The following CDH13 variants were observed in gnomAD, a reference collection of about 807,000 sequenced individuals.
The protein encoded by CDH13 is cadherin 13.
Under a neutral mutation model 63.8 loss-of-function variants are expected in CDH13, and 24 were observed. The observed-to-expected ratio is 0.38, with a 90% CI of 0.27 to 0.53. The LOEUF is 0.53. Among genes scored for constraint, CDH13 ranks in the 20% least tolerant of loss-of-function variants. CDH13 has a pLI of 0.85. For synonymous variants in CDH13, 503 were observed against 355.3 expected (o/e 1.42, Z -4.67); for missense variants, 1,049 against 903.1 (o/e 1.16, Z -2.07).
chr16:82,666,584 A>C (rs1912612123), intron 1 of CDH13, among the ~76,000 whole-genome samples: 1 of 152,224 alleles, frequency 6.6e-6, no homozygotes, highest in South Asian at 2.1e-4. Context: ...GGGATGTCTG[A>C]CATAACAACA....
At chr16:83,565,911 T>G (rs1450798035) in intron 7 of CDH13, among the ~76,000 whole-genome samples, 1 of 152,246 alleles carries the variant, frequency 6.6e-6, no homozygotes, top group Non-Finnish European at 1.5e-5. Context: ...GATACCAGTT[T>G]GTAAATGTGT....
At chr16:82,983,979 T>C (rs974703210) in intron 2 of CDH13, among the ~76,000 whole-genome samples, 1 of 152,200 alleles carries the variant, frequency 6.6e-6, no homozygotes, top group African/African-American at 2.4e-5. Context: ...CTGCCATAGA[T>C]ACAAGGACTT....
At chr16:83,002,610 A>T (rs1913057535) in intron 2 of CDH13, among the ~76,000 whole-genome samples, 1 of 152,240 alleles carries the variant, frequency 6.6e-6, no homozygotes, top group Admixed American at 6.5e-5. Context: ...ATAAACAAAT[A>T]AAATGTATTC....
At chr16:83,767,040 C>G (rs1597202414) in intron 11 of CDH13, among the ~76,000 whole-genome samples, 1 of 152,182 alleles carries the variant, frequency 6.6e-6, no homozygotes, top group Non-Finnish European at 1.5e-5. Context: ...ATTACCCAGT[C>G]TCGGGCAATT....
At chr16:83,688,942 G>A (rs1476059236) in intron 10 of CDH13, among the ~76,000 whole-genome samples, 2 of 152,210 alleles carry the variant, frequency 1.3e-5, no homozygotes, top group Admixed American at 1.3e-4. Context: ...TAGAATCCTG[G>A]CTTTTATAAT....
chr16:82,694,935 C>G (rs1438048309), intron 1 of CDH13, among the ~76,000 whole-genome samples: 2 of 152,076 alleles, frequency 1.3e-5, no homozygotes, highest in African/African-American at 4.8e-5. Context: ...AGGAGGGAAG[C>G]CTTCTCTGAT....
At chr16:83,152,750 C>T (rs1255596595) in intron 4 of CDH13, among the ~76,000 whole-genome samples, 1 of 152,190 alleles carries the variant, frequency 6.6e-6, no homozygotes, top group Non-Finnish European at 1.5e-5. Flanking sequence ...GAAGTCCTAA[C>T]CTCTGGTCTC....
chr16:83,643,946 C>T (rs933136819), intron 8 of CDH13, among the ~76,000 whole-genome samples: 4 of 152,208 alleles, frequency 2.6e-5, no homozygotes, highest in Non-Finnish European at 5.9e-5. Context: ...GCCAGAGCTC[C>T]GCTCCTAGAG....
intron 2 of CDH13, among the ~76,000 whole-genome samples, chr16:82,874,618 T>C (rs1370295523): frequency 6.6e-6 from 1 of 152,168 alleles, no homozygotes; most frequent in Non-Finnish European, 1.5e-5. Context: ...TATGTATACA[T>C]TAAATTCCAT....
intron 1 of CDH13, among the ~76,000 whole-genome samples, chr16:82,845,061 C>A (rs937418897): frequency 6.6e-6 from 1 of 151,994 alleles, no homozygotes; most frequent in Non-Finnish European, 1.5e-5. Context: ...GAGAGGAGAA[C>A]CAGGTACAGG....
intron 2 of CDH13, among the ~76,000 whole-genome samples, chr16:82,917,409 T>TGAAA (rs2042023856): frequency 6.6e-6 from 1 of 151,844 alleles, no homozygotes. Flanking sequence ...AGGGCAGAAA[T>TGAAA]GAAAGAAAGA....
chr16:82,986,443 T>G (rs558267518), intron 2 of CDH13, among the ~76,000 whole-genome samples: 2 of 152,346 alleles, frequency 1.3e-5, no homozygotes, highest in Admixed American at 6.5e-5. Flanking sequence ...GCTTGCCATT[T>G]CTCTCAGATT....
chr16:83,405,891 A>G (rs2092035170), intron 6 of CDH13, among the ~76,000 whole-genome samples: 1 of 152,208 alleles, frequency 6.6e-6, no homozygotes, highest in South Asian at 2.1e-4. Flanking sequence ...GTTAAAAATA[A>G]AAAAGGATTC....
intron 8 of CDH13, among the ~76,000 whole-genome samples, chr16:83,628,703 G>C (rs1051357544): frequency 6.6e-6 from 1 of 151,858 alleles, no homozygotes; most frequent in Non-Finnish European, 1.5e-5. Context: ...ATCTCTGTGA[G>C]GCAATCTGGG....
At chr16:82,872,798 C>G (rs373404367) in intron 2 of CDH13, among the ~76,000 whole-genome samples, 3 of 152,296 alleles carry the variant, frequency 2.0e-5, no homozygotes, top group East Asian at 3.9e-4. Flanking sequence ...TATATTGAGT[C>G]CCTACCACTC....
chr16:83,029,867 T>G (rs979617543), intron 2 of CDH13, among the ~76,000 whole-genome samples: 9 of 152,166 alleles, frequency 5.9e-5, no homozygotes, highest in African/African-American at 1.9e-4. Context: ...TATGCTTCAA[T>G]TAAAGGTTTA....
intron 8 of CDH13, among the ~76,000 whole-genome samples, chr16:83,606,602 A>C (rs1488950461): frequency 6.6e-6 from 1 of 151,416 alleles, no homozygotes; most frequent in African/African-American, 2.4e-5. Flanking sequence ...TTATCCAGGC[A>C]TGTAGTCCCA....
intron 4 of CDH13, chr16:83,171,507 A>G (rs1597460313): frequency 2.0e-6 from 3 of 1,531,438 alleles, no homozygotes; most frequent in African/African-American, 1.4e-5. Flanking sequence ...CCCATAAATA[A>G]TCTTTGTTTT....
At chr16:83,417,088 C>T (rs1291743996) in intron 6 of CDH13, among the ~76,000 whole-genome samples, 1 of 152,080 alleles carries the variant, frequency 6.6e-6, no homozygotes, top group African/African-American at 2.4e-5. Flanking sequence ...ATGAGATAGC[C>T]ACTGTTATTA....
Sources: allele counts gnomAD v4.1 joint callset (sites outside exome capture counted in the v4.1 genomes callset), GRCh38; gene constraint gnomAD v4.1.1; transcripts MANE v1.5; gene names NCBI Gene and HGNC (gene_info 2026-07-23, HGNC 2026-07-21).